The following OTUD7B variants were observed in gnomAD, a reference collection of about 807,000 sequenced individuals.
The protein encoded by OTUD7B is OTU domain-containing protein 7B.
Under a neutral mutation model 82.2 loss-of-function variants are expected in OTUD7B, and 34 were observed. The observed-to-expected ratio is 0.41, with a 90% CI of 0.31 to 0.55. OTUD7B has a LOEUF of 0.55. OTUD7B is among the 20% of genes least tolerant of loss of function. The probability of loss-of-function intolerance (pLI) is 0.20; values close to 1 mark genes in which losing one functional copy is unlikely to be tolerated. For missense variants in OTUD7B, 944 were observed against 1,062.1 expected, an observed-to-expected ratio of 0.89 and a Z score of 1.55; for synonymous variants, 398 against 402.7, an observed-to-expected ratio of 0.99 and a Z score of 0.14.
At chr1:150,000,622 A>G (rs1652217217) in intron 1 of OTUD7B, among the ~76,000 whole-genome samples, 1 of 152,200 alleles carries the variant, frequency 6.6e-6, no homozygotes, top group Non-Finnish European at 1.5e-5. Context: ...AAAAGTTACA[A>G]AAGGATACAT....
At chr1:150,053,196 TAA>T in the OTUD7B span, among the ~76,000 whole-genome samples, 3,841 of 152,156 alleles carry the variant, frequency 0.025, 152 homozygotes, top group African/African-American at 0.087. Flanking sequence ...TAATTAAACT[TAA>T]GAGTTTTTGC....
At chr1:149,964,480 C>T in intron 5 of OTUD7B, 131 bp from the exon 6 acceptor site, 2 of 741,478 alleles carry the variant, frequency 2.7e-6, no homozygotes, top group Non-Finnish European at 4.3e-6. Flanking sequence ...GACCCCCCTG[C>T]CTTACCCTCC....
chr1:150,023,910 T>C, the OTUD7B span, among the ~76,000 whole-genome samples: 1 of 152,196 alleles, frequency 6.6e-6, no homozygotes, highest in Non-Finnish European at 1.5e-5. Context: ...ATAATCATTA[T>C]TTGTCAATTT....
rs587596474 is a variant in OTUD7B at position 149,938,998 on chromosome 1, G to A, written c.*4859C>T. 1 of 151,858 alleles carries A rather than the reference G, an allele frequency of 6.6e-6. No homozygotes were observed. The highest frequency in any genetic ancestry group is 6.6e-5 in the Admixed American group (1 of 15,200). The allele number at this position is 151,858 out of a possible 1,614,324, so 9.4% of individuals were successfully genotyped here. ...GAGGAGAAAAGAATTGGGCGATTTG[G>A]ATCAATACTTAACCAGGAATGGAGT... is the stretch of plus-strand genomic sequence containing the variant. On this transcript the variant is annotated 3_prime_UTR_variant, in exon 12 of 12. Coordinates refer to ENST00000581312, the MANE Select transcript of OTUD7B (RefSeq NM_020205.4).
the OTUD7B span, among the ~76,000 whole-genome samples, chr1:150,021,896 A>G: frequency 8.3e-3 from 1,263 of 152,320 alleles, 70 homozygotes; most frequent in Admixed American, 0.068. Flanking sequence ...TGGTTACTCC[A>G]GACTTTCTCT....
chr1:150,020,757 T>G, the OTUD7B span, among the ~76,000 whole-genome samples: 1 of 152,248 alleles, frequency 6.6e-6, no homozygotes, highest in Non-Finnish European at 1.5e-5. Flanking sequence ...TTAAAGCTAC[T>G]GATTTATCTT....
chr1:150,058,475 C>T, the OTUD7B span, among the ~76,000 whole-genome samples: 1 of 152,182 alleles, frequency 6.6e-6, no homozygotes, highest in South Asian at 2.1e-4. Context: ...GATTGTAGCA[C>T]TGCACTCCAG....
rs1652765047 is a variant in OTUD7B at position 150,007,827 on chromosome 1, CCA to C, written c.-67+2619_-67+2620del. On this transcript the variant is annotated intron_variant, in intron 1 of 11. Coordinates refer to ENST00000581312, the MANE Select transcript of OTUD7B (RefSeq NM_020205.4). ...TTTATCAGAGGCTACAAAAAAGATT[CCA>C]CAGTCTGCTATTCCACAGCTCCTAA... Among the ~76,000 whole-genome samples, 6 of 152,292 alleles carry C rather than the reference CCA, an allele frequency of 3.9e-5. 2 individuals carry two copies. Among genetic ancestry groups the C allele is most frequent in the African/African-American group, 1.4e-4 (6 of 41,558 alleles).
rs782498494 is a variant in OTUD7B at position 149,944,361 on chromosome 1, C to T, written c.2028G>A (p.Pro676=). Residue 676 remains proline (P), a synonymous_variant, in exon 12 of 12, where the codon CCG becomes CCA. Transcript: ENST00000581312. ...KPEPDAREEQ[P]TGPPAESRAM... Reference sequence around the variant, plus strand: ...CCCTGGACTCTGCTGGGGGACCGGTCGGCTGCTCTTCCCTAGCATCTGGCT... The same window carrying T: ...CCCTGGACTCTGCTGGGGGACCGGTTGGCTGCTCTTCCCTAGCATCTGGCT... 2.5e-6 allele frequency: 4 copies of T among 1,613,536 alleles called. No homozygotes were observed. The highest frequency in any genetic ancestry group is 1.7e-6 in the Non-Finnish European group (2 of 1,179,692).
chr1:150,049,390 C>G, the OTUD7B span, among the ~76,000 whole-genome samples: 1 of 152,026 alleles, frequency 6.6e-6, no homozygotes, highest in African/African-American at 2.4e-5. Flanking sequence ...CGTGGTTAGT[C>G]AGGATGTTGC....
In OTUD7B at chr1:149,959,881, C is replaced by G. The variant is rs587627671; in HGVS notation, c.733-85G>C. ...ACCTATTCCACCTTATTCACTGTTA[C>G]TTACTCCCTAATCCCTTAGCACTTG... On this transcript the variant is annotated intron_variant, in intron 6 of 11. Coordinates refer to ENST00000581312, the MANE Select transcript of OTUD7B (RefSeq NM_020205.4). 68 of 830,952 alleles carry G rather than the reference C, an allele frequency of 8.2e-5. No individual in the cohort carries two copies. The South Asian group carries it at 9.5e-4, about 12-fold the overall frequency. The allele number at this position is 830,952 out of a possible 1,614,324, so 51.5% of individuals were successfully genotyped here.
chr1:149,938,148 T>C lies in OTUD7B; in HGVS notation c.*5709A>G, dbSNP rs587671678. 1 of 152,370 alleles carries C rather than the reference T, an allele frequency of 6.6e-6. No homozygotes were observed. Among genetic ancestry groups the C allele is most frequent in the African/African-American group, 2.4e-5 (1 of 41,540 alleles). The allele number at this position is 152,370 out of a possible 1,614,324, so 9.4% of individuals were successfully genotyped here. A position where few individuals can be genotyped will look rare whatever the true frequency, so the allele number is the denominator to read the frequency against. ...TCAACCTCTTGGGGGAAGAAAATATTTCCCAAGGTCTGTTGTAAAAAGAAA... is the reference window on the plus strand; with the variant it reads ...TCAACCTCTTGGGGGAAGAAAATATCTCCCAAGGTCTGTTGTAAAAAGAAA... On this transcript the variant is annotated 3_prime_UTR_variant, in exon 12 of 12. Coordinates refer to ENST00000581312, the MANE Select transcript of OTUD7B (RefSeq NM_020205.4).
At position 149,971,183 on chromosome 1, in the gene OTUD7B, G is replaced by T. The variant is rs199683061; in HGVS notation, c.154C>A (p.Leu52Ile). 5.3e-4 allele frequency: 861 copies of T among 1,613,706 alleles called. 1 individual carries two copies. Among genetic ancestry groups the T allele is most frequent in the Middle Eastern group, 6.6e-4 (4 of 6,080 alleles). The part of the protein sequence containing the change: ...EQLRQVHAGN[L>I]PPSFSEGSGG... Reference sequence around the variant, plus strand: ...CTCCCCTCACTAAAGGATGGGGGTAGGTTTCCAGCATGGACTTGACGTAGC... The same window carrying T: ...CTCCCCTCACTAAAGGATGGGGGTATGTTTCCAGCATGGACTTGACGTAGC... Residue 52 changes from leucine (L) to isoleucine (I), a missense_variant, in exon 3 of 12, where the codon CTA becomes ATA. Physicochemically the swap from Leu to Ile is conservative, Grantham distance 5. Transcript: ENST00000581312.
At chr1:149,979,669 A>AAAATGTCAAATTC in intron 1 of OTUD7B, among the ~76,000 whole-genome samples, 1 of 152,064 alleles carries the variant, frequency 6.6e-6, no homozygotes, top group East Asian at 1.9e-4. Context: ...TGTCAAATTC[A>AAAATGTCAAATTC]AAATGTCAAA....
the OTUD7B span, among the ~76,000 whole-genome samples, chr1:150,049,955 T>G: frequency 6.6e-6 from 1 of 152,144 alleles, no homozygotes; most frequent in African/African-American, 2.4e-5. Flanking sequence ...CTCATTCCTG[T>G]CATCCCAACA....
intron 1 of OTUD7B, among the ~76,000 whole-genome samples, chr1:149,978,005 CTAA>C (rs1173525446): frequency 5.3e-5 from 8 of 152,208 alleles, no homozygotes; most frequent in African/African-American, 1.9e-4. Context: ...GCCATCTCCT[CTAA>C]TATATGTTTC....
chr1:149,999,312 T>C (rs1454818707), intron 1 of OTUD7B, among the ~76,000 whole-genome samples: 1 of 152,204 alleles, frequency 6.6e-6, no homozygotes, highest in Non-Finnish European at 1.5e-5. Flanking sequence ...GCAAAGAAGC[T>C]AGGACACAGA....
At chr1:149,987,922 C>G (rs912757433) in intron 1 of OTUD7B, among the ~76,000 whole-genome samples, 1 of 152,176 alleles carries the variant, frequency 6.6e-6, no homozygotes, top group Non-Finnish European at 1.5e-5. Flanking sequence ...CCCAAATCTC[C>G]AGGAACAGCA....
chr1:149,983,021 A>AT (rs1553780094), intron 1 of OTUD7B, among the ~76,000 whole-genome samples: 2 of 151,318 alleles, frequency 1.3e-5, no homozygotes, highest in South Asian at 2.1e-4. Flanking sequence ...CACCCAGCTA[A>AT]TTTTTTTGTA....
Sources: allele counts gnomAD v4.1 joint callset (sites outside exome capture counted in the v4.1 genomes callset), GRCh38; gene constraint gnomAD v4.1.1; transcripts MANE v1.5; gene names NCBI Gene and HGNC (gene_info 2026-07-23, HGNC 2026-07-21).